The following WDR43 variants were observed in gnomAD, a reference collection of about 807,000 sequenced individuals.
WDR43 encodes WD repeat-containing protein 43.
In WDR43, 13 loss-of-function variants were observed where a neutral mutation model predicts 91.4. The ratio of observed to expected loss-of-function variants is 0.14; its 90% CI spans 0.09 to 0.23. The LOEUF (loss-of-function observed/expected upper bound fraction) is 0.23. WDR43 is among the 10% of genes least tolerant of loss of function. The pLI, the probability that WDR43 is intolerant of heterozygous loss-of-function variation, is 1.00. For missense variants in WDR43, 780 were observed against 809.4 expected (o/e 0.96, Z 0.44); for synonymous variants, 331 against 287.9 (o/e 1.15, Z -1.51).
At chr2:28,935,694 G>A (rs1558382468) in intron 12 of WDR43, 87 bp downstream of exon 12, 11 of 754,308 alleles carry the variant, frequency 1.5e-5, no homozygotes, top group East Asian at 1.2e-4. Flanking sequence ...TTTGTAATAC[G>A]TAAGGACACA....
Position 28,919,480 on chromosome 2 carries a change from C to T in WDR43, c.849+1485C>T, listed in dbSNP as rs150389141. 1.0e-3 allele frequency among the ~76,000 whole-genome samples: 159 copies of T among 152,106 alleles called. 1 individual carries two copies. In the East Asian group the frequency reaches 0.029, roughly 28 times the overall value. ...TCAGGAGATCGAGACCACGGTGAAA[C>T]CCTGTCTCTACTAAAAATACAAAAA... On this transcript the variant is annotated intron_variant, in intron 6 of 17. Transcript: ENST00000407426.
chr2:28,901,997 A>G lies in WDR43; in HGVS notation c.236A>G (p.Gln79Arg). The G allele has an allele frequency of 6.3e-7, 1 of 1,591,302 alleles. No homozygotes were observed. The highest frequency in any genetic ancestry group is 1.4e-5 in the African/African-American group (1 of 73,330). Reference protein sequence around the residue: ...PARLQAKESPQRKKRKSEAVG... With the variant: ...PARLQAKESPRRKKRKSEAVG... Reference sequence around the variant, plus strand: ...TTTCTTTTTTTCCAGGAAAGTCCCCAGAGGAAAAAAAGGAAATCAGAAGCT... The same window carrying G: ...TTTCTTTTTTTCCAGGAAAGTCCCCGGAGGAAAAAAAGGAAATCAGAAGCT... The change falls in exon 2 of 18, where the codon CAG becomes CGG. Residue 79 changes from glutamine to arginine, a missense_variant. By Grantham distance (43) the Gln-to-Arg change is conservative. This residue lies in a region of WDR43 where 175 missense variants were observed against 113.8 expected (regional missense o/e 1.54). Transcript: ENST00000407426.
At chr2:28,931,639 A>C (rs1022200171) in intron 11 of WDR43, among the ~76,000 whole-genome samples, 3 of 149,276 alleles carry the variant, frequency 2.0e-5, no homozygotes, top group African/African-American at 7.3e-5. Flanking sequence ...AAGCTAGAAG[A>C]GATTCGGTTT....
chr2:28,902,717 C>T (rs1670599206), intron 2 of WDR43, among the ~76,000 whole-genome samples: 1 of 152,214 alleles, frequency 6.6e-6, no homozygotes, highest in African/African-American at 2.4e-5. Flanking sequence ...TCCCTTCTCT[C>T]TCCATCCTTG....
At position 28,922,952 on chromosome 2, in the gene WDR43, C is replaced by G. The variant is rs768029947; in HGVS notation, c.883C>G (p.Gln295Glu). The change falls in exon 7 of 18, where the codon CAA (glutamine) becomes GAA (glutamate). Residue 295 changes from glutamine (Q) to glutamate (E), a missense_variant. Physicochemically the swap from Gln to Glu is conservative, Grantham distance 29. Transcript: ENST00000407426. ...GTTGGCTGTTGTTTGCAGAGATGGT[C>G]AAGTCCATCTTTTTGAACACATATT... ...VKLAVVCRDGQVHLFEHILNG... is the reference protein window; with the variant it reads ...VKLAVVCRDGEVHLFEHILNG... The G allele has an allele frequency of 6.2e-7, 1 of 1,612,014 alleles. No homozygotes were observed. The highest frequency in any genetic ancestry group is 8.5e-7 in the Non-Finnish European group (1 of 1,179,422).
At chr2:28,942,784 T>C (rs72786109) in intron 16 of WDR43, among the ~76,000 whole-genome samples, 1 of 151,928 alleles carries the variant, frequency 6.6e-6, no homozygotes, top group Admixed American at 6.6e-5. Flanking sequence ...CCCGGCCAAC[T>C]TTGGTATTTT....
chr2:28,941,965 T>G (rs1671445621), intron 15 of WDR43, among the ~76,000 whole-genome samples: 1 of 152,172 alleles, frequency 6.6e-6, no homozygotes, highest in Admixed American at 6.5e-5. Context: ...CTTATCAGTT[T>G]GACAGTAAGA....
At chr2:28,902,246 C>A in intron 2 of WDR43, 122 bp downstream of exon 2, 1 of 991,408 alleles carries the variant, frequency 1.0e-6, no homozygotes, top group Non-Finnish European at 1.4e-6. Flanking sequence ...AGTTTTCAGT[C>A]TCATCTACGT....
At chr2:28,944,705 G>A (rs780579384) in intron 16 of WDR43, among the ~76,000 whole-genome samples, 4 of 152,196 alleles carry the variant, frequency 2.6e-5, no homozygotes, top group South Asian at 4.1e-4. Context: ...GTGTAGCATC[G>A]TGTAATTGTA....
At position 28,929,839 on chromosome 2, in the gene WDR43, T is replaced by C. The variant is rs141683420; in HGVS notation, c.1437+129T>C. 20 of 980,592 alleles carry C rather than the reference T, an allele frequency of 2.0e-5. 1 individual carries two copies. The East Asian group carries it at 4.5e-4, about 22-fold the overall frequency. 60.7% of individuals were successfully genotyped at this position (980,592 alleles called of 1,614,324 possible). On this transcript the variant is annotated intron_variant, in intron 11 of 17. Coordinates refer to ENST00000407426, the MANE Select transcript of WDR43 (RefSeq NM_015131.3). Reference sequence around the variant, plus strand: ...TTTGGAATGTAATGTTTTATGAGTTTAGTCAAACATGTATCACTTGGTGGC... The same window carrying C: ...TTTGGAATGTAATGTTTTATGAGTTCAGTCAAACATGTATCACTTGGTGGC...
intron 1 of WDR43, among the ~76,000 whole-genome samples, chr2:28,898,266 T>G (rs1381066954): frequency 1.3e-5 from 2 of 152,234 alleles, no homozygotes; most frequent in Non-Finnish European, 2.9e-5. Flanking sequence ...ATGAAGCACA[T>G]GGCATTTCAG....
chr2:28,923,521 T>G (rs1183053345), intron 7 of WDR43, among the ~76,000 whole-genome samples: 1 of 152,230 alleles, frequency 6.6e-6, no homozygotes, highest in African/African-American at 2.4e-5. Context: ...GGTCTGAGAC[T>G]CAGTTTTGCG....
rs977153627 is a variant in WDR43, at chr2:28,947,781, A to C, written c.*1002A>C. 2.6e-5 allele frequency: 4 copies of C among 151,656 alleles called. No individual in the cohort carries two copies. Among genetic ancestry groups the C allele is most frequent in the Non-Finnish European group, 5.9e-5 (4 of 67,934 alleles). 9.4% of individuals were successfully genotyped at this position (151,656 alleles called of 1,614,324 possible). A position where few individuals can be genotyped will look rare whatever the true frequency, so the allele number is the denominator to read the frequency against. On this transcript the variant is annotated 3_prime_UTR_variant, in exon 18 of 18. Coordinates refer to ENST00000407426, the MANE Select transcript of WDR43 (RefSeq NM_015131.3). ...TGTTAGGGTATCTGTTTACCTTTAA[A>C]ATGATAAGTCTCACTCAAGATTTTT...
chr2:28,932,322 C>T (rs1014638301), intron 11 of WDR43, among the ~76,000 whole-genome samples: 8 of 152,150 alleles, frequency 5.3e-5, no homozygotes, highest in African/African-American at 1.7e-4. Context: ...TGCCACCACA[C>T]CCAGCTAATT....
At chr2:28,942,282 A>G (rs1179145753) in intron 15 of WDR43, 30 bp from the exon 16 acceptor site, 1 of 1,605,124 alleles carries the variant, frequency 6.2e-7, no homozygotes, top group Admixed American at 1.7e-5. Flanking sequence ...TTTACACTCT[A>G]CTTCAGAACA....
rs780839601 is a variant in WDR43 at position 28,912,599 on chromosome 2, A to G, written c.495A>G (p.Lys165=). 3 of 1,613,556 alleles carry G rather than the reference A, an allele frequency of 1.9e-6. No homozygotes were observed. In the Admixed American group the frequency reaches 5.0e-5, roughly 27 times the overall value. ...VQTCKVKCKW[K]GDNSSVSSLC... ...TCTCTTCACAATATAGCAAATGGAA[A>G]GGCGACAATAGCAGTGTCAGTTCCC... is the stretch of plus-strand genomic sequence containing the variant. The change falls in exon 4 of 18, where the codon AAA becomes AAG. Residue 165 remains lysine, a synonymous_variant. Transcript: ENST00000407426.
Position 28,937,907 on chromosome 2 carries a change from GTTTAC to G in WDR43, c.1557-21_1557-17del. The G allele has an allele frequency of 6.2e-7, 1 of 1,612,124 alleles. No individual in the cohort carries two copies. The highest frequency in any genetic ancestry group is 1.3e-5 in the African/African-American group (1 of 74,998). ...TTTACTTTTGAATTTGTGAACATTA[GTTTAC>G]TTGGATTTTTTTTTCCAGTGCTGTG... On this transcript the variant is annotated intron_variant, in intron 13 of 17. Coordinates refer to ENST00000407426, the MANE Select transcript of WDR43 (RefSeq NM_015131.3).
chr2:28,915,613 A>T (rs1005687622), intron 5 of WDR43, among the ~76,000 whole-genome samples: 4 of 152,220 alleles, frequency 2.6e-5, no homozygotes, highest in African/African-American at 9.6e-5. Context: ...AAATGTTAAA[A>T]CCCATATTGA....
chr2:28,946,299 A>T, intron 16 of WDR43, 151 bp from the exon 17 acceptor site: 2 of 877,496 alleles, frequency 2.3e-6, no homozygotes, highest in Non-Finnish European at 3.2e-6. Flanking sequence ...AAAAAAAAAA[A>T]TAATAAAATA....
Sources: gnomAD v4.1 joint callset for allele counts (sites outside exome capture counted in the v4.1 genomes callset) on GRCh38, gnomAD v4.1.1 for gene constraint, gnomAD v4.1.1 regional missense constraint, MANE v1.5 for transcripts, NCBI Gene and HGNC (gene_info 2026-07-23, HGNC 2026-07-21) for gene names.